DNAH14: variants seen among roughly 807,000 people sequenced by gnomAD.
DNAH14 encodes dynein axonemal heavy chain 14.
Under a neutral mutation model 520.9 loss-of-function variants are expected in DNAH14, and 478 were observed. That is an observed-to-expected ratio of 0.92 (90% CI 0.85 to 0.99). The LOEUF is 0.99. DNAH14 is among the 50% of genes least tolerant of loss of function. The pLI, the probability that DNAH14 is intolerant of heterozygous loss-of-function variation, is 0.00. For missense variants in DNAH14, 4,831 were observed against 5,234.5 expected, an observed-to-expected ratio of 0.92 and a Z score of 2.38; for synonymous variants, 1,581 against 1,757.2, an observed-to-expected ratio of 0.90 and a Z score of 2.51.
At chr1:225,347,316 C>T (rs1207097643) in intron 71 of DNAH14, among the ~76,000 whole-genome samples, 1 of 152,130 alleles carries the variant, frequency 6.6e-6, no homozygotes, top group Non-Finnish European at 1.5e-5. Flanking sequence ...TGAGAAGCTA[C>T]AGCATCCAGG....
At chr1:224,960,595 T>A (rs2060783888) in intron 4 of DNAH14, among the ~76,000 whole-genome samples, 1 of 152,144 alleles carries the variant, frequency 6.6e-6, no homozygotes, top group South Asian at 2.1e-4. Context: ...TACATACAAC[T>A]GTAGTAAAAC....
chr1:225,217,443 G>A (rs1233620554), intron 41 of DNAH14, among the ~76,000 whole-genome samples: 5 of 152,170 alleles, frequency 3.3e-5, no homozygotes, highest in Non-Finnish European at 7.4e-5. Flanking sequence ...AGACAGGGAC[G>A]TTTAAGTCTG....
chr1:225,357,408 T>C (rs1392457816), intron 73 of DNAH14, among the ~76,000 whole-genome samples: 1 of 152,118 alleles, frequency 6.6e-6, no homozygotes, highest in Non-Finnish European at 1.5e-5. Flanking sequence ...GAGGAGCTAA[T>C]GGCACATTGG....
chr1:225,145,448 A>G (rs1222982942), intron 30 of DNAH14, 69 bp downstream of exon 30: 26 of 1,223,736 alleles, frequency 2.1e-5, no homozygotes, highest in Non-Finnish European at 2.7e-5. Context: ...TCATTGAAGA[A>G]TAAAAGAACA....
chr1:225,091,673 C>CG (rs2074407437), intron 21 of DNAH14, among the ~76,000 whole-genome samples: 2 of 152,058 alleles, frequency 1.3e-5, no homozygotes, highest in African/African-American at 4.8e-5. Context: ...ACTACACAAT[C>CG]AAGTCTGAAT....
Position 225,043,924 on chromosome 1 carries a change from A to G in DNAH14, c.1853A>G (p.Asn618Ser). ...CCTACAAATCTCTTTATAGATCCCA[A>G]CAGATTGGAGTTTTCAGTAAAAATT... Reference protein sequence around the residue: ...EFPTNLFIDPNRLEFSVKIQN... With the variant: ...EFPTNLFIDPSRLEFSVKIQN... Residue 618 changes from asparagine to serine, a missense_variant, in exon 15 of 86, where the codon AAC (asparagine) becomes AGC (serine). Physicochemically the swap from Asn to Ser is conservative, Grantham distance 46. Coordinates refer to ENST00000682510, the MANE Select transcript of DNAH14 (RefSeq NM_001367479.1). The G allele has an allele frequency of 6.5e-7, 1 of 1,527,338 alleles. No individual in the cohort carries two copies. Among genetic ancestry groups the G allele is most frequent in the Non-Finnish European group, 8.8e-7 (1 of 1,130,118 alleles). The allele number at this position is 1,527,338 out of a possible 1,614,324, so 94.6% of individuals were successfully genotyped here. A position where few individuals can be genotyped will look rare whatever the true frequency, so the allele number is the denominator to read the frequency against.
At chr1:224,983,476 G>A (rs2062414970) in intron 8 of DNAH14, among the ~76,000 whole-genome samples, 1 of 152,116 alleles carries the variant, frequency 6.6e-6, no homozygotes, top group South Asian at 2.1e-4. Flanking sequence ...TGAAAGCACT[G>A]AGAACGGGAA....
chr1:225,238,578 C>T (rs1352156441), intron 42 of DNAH14, among the ~76,000 whole-genome samples: 2 of 152,180 alleles, frequency 1.3e-5, no homozygotes, highest in African/African-American at 4.8e-5. Flanking sequence ...TGGGAGGTCT[C>T]ACCCAGTCAA....
chr1:225,048,045 C>T (rs949375440), intron 15 of DNAH14, among the ~76,000 whole-genome samples: 6 of 152,306 alleles, frequency 3.9e-5, no homozygotes, highest in Non-Finnish European at 5.9e-5. Flanking sequence ...CCCCAGTTCC[C>T]TTGTGCAGCC....
At chr1:225,202,507 A>T (rs904638604) in intron 38 of DNAH14, among the ~76,000 whole-genome samples, 1 of 152,120 alleles carries the variant, frequency 6.6e-6, no homozygotes, top group African/African-American at 2.4e-5. Context: ...CCCAGCTCCC[A>T]CACAACCCAA....
At chr1:225,003,855 A>G (rs986133045) in intron 9 of DNAH14, among the ~76,000 whole-genome samples, 1 of 152,112 alleles carries the variant, frequency 6.6e-6, no homozygotes, top group Non-Finnish European at 1.5e-5. Context: ...TGTAGAAGGA[A>G]ATAAAATAAT....
At chr1:225,007,666 T>C in intron 10 of DNAH14, 122 bp downstream of exon 10, 5 of 665,190 alleles carry the variant, frequency 7.5e-6, no homozygotes, top group Non-Finnish European at 8.9e-6. Context: ...GGTGGTTAAT[T>C]AACCAACTAA....
intron 21 of DNAH14, among the ~76,000 whole-genome samples, chr1:225,091,461 A>G (rs537299436): frequency 6.6e-6 from 1 of 152,280 alleles, no homozygotes; most frequent in African/African-American, 2.4e-5. Context: ...TCCAACCAAT[A>G]TTTTCATATC....
intron 17 of DNAH14, among the ~76,000 whole-genome samples, chr1:225,072,213 A>G (rs1044413867): frequency 2.0e-5 from 3 of 152,114 alleles, no homozygotes; most frequent in Non-Finnish European, 4.4e-5. Context: ...ACATAATCCC[A>G]TATTTCTCAG....
chr1:224,941,370 GT>G (rs1180864535), intron 1 of DNAH14, among the ~76,000 whole-genome samples: 1 of 151,980 alleles, frequency 6.6e-6, no homozygotes, highest in Non-Finnish European at 1.5e-5. Context: ...GGGGTTGTTT[GT>G]TTTTTTCTTG....
Position 225,353,875 on chromosome 1 carries a change from A to C in DNAH14, c.11606A>C (p.Gln3869Pro). Residue 3869 changes from glutamine to proline, a missense_variant, in exon 73 of 86, where the codon CAA (glutamine) becomes CCA (proline). Physicochemically the swap from Gln to Pro is moderately conservative, Grantham distance 76 (BLOSUM62 -1). Transcript: ENST00000682510. ...CCCTGGGAGAAACTCACTTCATTTC[A>C]AAGACTTATTTTGGTAAGATATCTT... ...NFPWEKLTSFQRLILVKVLRP... is the reference protein window; with the variant it reads ...NFPWEKLTSFPRLILVKVLRP... The C allele has an allele frequency of 6.7e-7, 1 of 1,484,032 alleles. No individual in the cohort carries two copies. The highest frequency in any genetic ancestry group is 9.2e-7 in the Non-Finnish European group (1 of 1,092,366). 91.9% of individuals were successfully genotyped at this position (1,484,032 alleles called of 1,614,324 possible).
At chr1:224,979,246 C>G (rs2062082889) in intron 8 of DNAH14, among the ~76,000 whole-genome samples, 1 of 152,172 alleles carries the variant, frequency 6.6e-6, no homozygotes, top group Admixed American at 6.5e-5. Context: ...AGGAAACAGT[C>G]TTGAATCACT....
intron 35 of DNAH14, among the ~76,000 whole-genome samples, chr1:225,165,562 C>CTTGTTTGTTTGT (rs202188752): frequency 1.6e-4 from 23 of 139,468 alleles, no homozygotes; most frequent in African/African-American, 5.7e-4. Flanking sequence ...TTTTTTTTTA[C>CTTGTTTGTTTGT]TTGTTTGTTT....
chr1:225,322,951 TC>T, intron 62 of DNAH14, 128 bp downstream of exon 62: 1 of 1,028,738 alleles, frequency 9.7e-7, no homozygotes. Context: ...GCTCTATTCT[TC>T]CAGGCAAGAG....
Sources: gnomAD v4.1 joint callset for allele counts (sites outside exome capture counted in the v4.1 genomes callset) on GRCh38, gnomAD v4.1.1 for gene constraint, MANE v1.5 for transcripts, NCBI Gene and HGNC (gene_info 2026-07-23, HGNC 2026-07-21) for gene names.